The following NRXN3 variants were observed in gnomAD, a reference collection of about 807,000 sequenced individuals.
NRXN3 encodes neurexin III.
NRXN3 carries 32 observed loss-of-function variants against 137.6 expected under a neutral mutation model. That is an observed-to-expected ratio of 0.23 (90% CI 0.18 to 0.31). The LOEUF (loss-of-function observed/expected upper bound fraction) is 0.31, where lower values mean the gene tolerates loss of function less well. Among genes scored for constraint, NRXN3 ranks in the 10% least tolerant of loss-of-function variants. The probability of loss-of-function intolerance (pLI) is 1.00; values close to 1 mark genes in which losing one functional copy is unlikely to be tolerated. For synonymous variants in NRXN3, 798 were observed against 784.5 expected (o/e 1.02, Z -0.29); for missense variants, 1,574 against 2,062.5 (o/e 0.76, Z 4.59).
intron 16 of NRXN3, among the ~76,000 whole-genome samples, chr14:79,529,123 C>T (rs2153715090): frequency 6.6e-6 from 1 of 152,250 alleles, no homozygotes; most frequent in African/African-American, 2.4e-5. Context: ...GGGCCAGCTA[C>T]TCTCTCAAAA....
chr14:78,788,241 A>T (rs944789596), intron 8 of NRXN3, among the ~76,000 whole-genome samples: 1 of 145,046 alleles, frequency 6.9e-6, no homozygotes, highest in African/African-American at 2.6e-5. Context: ...ATTCAAACAC[A>T]TATGTACATG....
intron 8 of NRXN3, among the ~76,000 whole-genome samples, chr14:78,730,039 G>A (rs1444243613): frequency 6.6e-6 from 1 of 152,180 alleles, no homozygotes; most frequent in African/African-American, 2.4e-5. Flanking sequence ...CGTAGTTGGA[G>A]ATGTGCCTAG....
chr14:78,339,562 A>G (rs117746737), intron 4 of NRXN3, among the ~76,000 whole-genome samples: 2,964 of 152,274 alleles, frequency 0.019, 53 homozygotes, highest in Non-Finnish European at 0.028. Context: ...CTTTGAGGTA[A>G]GGTGGTCAAA....
At chr14:79,622,355 T>C (rs1462342899) in intron 16 of NRXN3, among the ~76,000 whole-genome samples, 2 of 152,164 alleles carry the variant, frequency 1.3e-5, no homozygotes, top group Non-Finnish European at 2.9e-5. Context: ...AGTCAAGAAC[T>C]TCATAGGTGG....
chr14:78,265,885 C>T (rs2071611459), intron 2 of NRXN3, among the ~76,000 whole-genome samples: 1 of 152,198 alleles, frequency 6.6e-6, no homozygotes, highest in African/African-American at 2.4e-5. Context: ...TATTTGTGGC[C>T]CATCTTCCTG....
intron 15 of NRXN3, among the ~76,000 whole-genome samples, chr14:79,466,131 A>G (rs979467534): frequency 6.6e-6 from 1 of 152,206 alleles, no homozygotes; most frequent in African/African-American, 2.4e-5. Context: ...CACTAATCAT[A>G]ATTGACAACT....
chr14:79,587,407 C>T (rs1378429333), intron 16 of NRXN3, among the ~76,000 whole-genome samples: 1 of 152,206 alleles, frequency 6.6e-6, no homozygotes, highest in Non-Finnish European at 1.5e-5. Context: ...GGATGACTGC[C>T]ATGATTTGCC....
chr14:79,204,174 A>G (rs995596246), intron 15 of NRXN3, among the ~76,000 whole-genome samples: 4 of 152,030 alleles, frequency 2.6e-5, no homozygotes, highest in Non-Finnish European at 4.4e-5. Flanking sequence ...GATTTCCATT[A>G]CAAAGAGCTC....
chr14:78,529,608 C>T (rs571617137), intron 4 of NRXN3, among the ~76,000 whole-genome samples: 4 of 152,312 alleles, frequency 2.6e-5, no homozygotes, highest in African/African-American at 9.6e-5. Context: ...CAGCTTTAGT[C>T]AACAGAGGCT....
intron 4 of NRXN3, among the ~76,000 whole-genome samples, chr14:78,588,217 A>C (rs561970243): frequency 6.6e-6 from 1 of 152,250 alleles, no homozygotes; most frequent in Admixed American, 6.5e-5. Context: ...TGAATAGCTG[A>C]TGTTTTGAAT....
chr14:78,554,866 G>T (rs982454624), intron 4 of NRXN3, among the ~76,000 whole-genome samples: 1 of 152,156 alleles, frequency 6.6e-6, no homozygotes, highest in African/African-American at 2.4e-5. Flanking sequence ...GGAGAGCAGG[G>T]TTACTTGACA....
intron 15 of NRXN3, among the ~76,000 whole-genome samples, chr14:79,437,715 A>G (rs915041913): frequency 6.6e-6 from 1 of 152,162 alleles, no homozygotes; most frequent in South Asian, 2.1e-4. Flanking sequence ...GAGCATGTGT[A>G]GCTTTTGCTG....
chr14:79,394,936 C>G (rs142181645), intron 15 of NRXN3, among the ~76,000 whole-genome samples: 22 of 152,262 alleles, frequency 1.4e-4, no homozygotes, highest in African/African-American at 5.3e-4. Flanking sequence ...AGCTAAAGAG[C>G]CCGCATTCTT....
chr14:78,194,245 G>C (rs1357306378), intron 1 of NRXN3, among the ~76,000 whole-genome samples: 1 of 152,200 alleles, frequency 6.6e-6, no homozygotes, highest in African/African-American at 2.4e-5. Flanking sequence ...TGAGAGTACA[G>C]GACTGCAACA....
intron 4 of NRXN3, among the ~76,000 whole-genome samples, chr14:78,609,555 A>G (rs984661322): frequency 6.6e-6 from 1 of 152,170 alleles, no homozygotes; most frequent in Non-Finnish European, 1.5e-5. Flanking sequence ...TTGAGCTCTG[A>G]AAGATGTGAG....
At chr14:78,973,553 A>G (rs2099451931) in intron 14 of NRXN3, among the ~76,000 whole-genome samples, 1 of 152,186 alleles carries the variant, frequency 6.6e-6, no homozygotes, top group African/African-American at 2.4e-5. Context: ...TGATCGCAGG[A>G]AAAAAGTACT....
At chr14:79,634,072 C>T (rs1208453597) in intron 16 of NRXN3, among the ~76,000 whole-genome samples, 1 of 152,086 alleles carries the variant, frequency 6.6e-6, no homozygotes. Flanking sequence ...AGTGTTACTC[C>T]AGTGAGACAA....
chr14:79,679,170 TTGCAAGG>T (rs2098656341), intron 17 of NRXN3, among the ~76,000 whole-genome samples: 1 of 152,090 alleles, frequency 6.6e-6, no homozygotes, highest in African/African-American at 2.4e-5. Flanking sequence ...CTATTTCTTG[TTGCAAGG>T]TGCAAGGTTC....
chr14:79,837,826 C>T (rs1251187650), intron 20 of NRXN3, among the ~76,000 whole-genome samples: 1 of 152,206 alleles, frequency 6.6e-6, no homozygotes, highest in East Asian at 1.9e-4. Flanking sequence ...GCTGCACAGA[C>T]ATTTTCCAAC....
Sources: gnomAD v4.1 joint callset for allele counts (sites outside exome capture counted in the v4.1 genomes callset) on GRCh38, gnomAD v4.1.1 for gene constraint, MANE v1.5 for transcripts, NCBI Gene and HGNC (gene_info 2026-07-23, HGNC 2026-07-21) for gene names.